Variants in RSPO1 observed in about 807,000 individuals in gnomAD.
RSPO1 encodes R-spondin-1.
RSPO1 carries 18 observed loss-of-function variants against 26.0 expected under a neutral mutation model. The ratio of observed to expected loss-of-function variants is 0.69; its 90% CI spans 0.48 to 1.03. RSPO1 has a LOEUF of 1.03. RSPO1 is among the 50% of genes least tolerant of loss of function. The pLI, the probability that RSPO1 is intolerant of heterozygous loss-of-function variation, is 0.00. For synonymous variants in RSPO1, 133 were observed against 137.4 expected (o/e 0.97, Z 0.22); for missense variants, 309 against 352.3 (o/e 0.88, Z 0.98).
At chr1:37,627,925 T>C (rs559662470) in intron 3 of RSPO1, among the ~76,000 whole-genome samples, 3 of 152,352 alleles carry the variant, frequency 2.0e-5, no homozygotes, top group East Asian at 3.9e-4. Flanking sequence ...CTGGCTCATG[T>C]GCTGCCACGG....
At chr1:37,612,986 C>CA in intron 6 of RSPO1, 65 bp from the exon 7 acceptor site, 3 of 1,577,322 alleles carry the variant, frequency 1.9e-6, no homozygotes, top group Non-Finnish European at 2.6e-6. Context: ...GGCATGGCCA[C>CA]AGGCCCTAGG....
At chr1:37,623,911 C>T (rs1644240160) in intron 3 of RSPO1, among the ~76,000 whole-genome samples, 1 of 151,796 alleles carries the variant, frequency 6.6e-6, no homozygotes, top group South Asian at 2.1e-4. Flanking sequence ...AGGCATGCAC[C>T]ACCACACCCA....
In RSPO1 at chr1:37,614,315, C is replaced by T; in HGVS notation, c.305G>A (p.Cys102Tyr). 6.2e-7 allele frequency: 1 copy of T among 1,613,818 alleles called. No individual in the cohort carries two copies. The highest frequency in any genetic ancestry group is 8.5e-7 in the Non-Finnish European group (1 of 1,180,052). ...GAAGTTATGGCTGAAGCAGGCCTCA[C>T]AGTGCTCGATCTTGCATTCTGAGGA... ...NKCIKCKIEHCEACFSHNFCT... is the reference protein window; with the variant it reads ...NKCIKCKIEHYEACFSHNFCT... Residue 102 changes from cysteine to tyrosine, a missense_variant, in exon 5 of 7, where the codon TGT (cysteine) becomes TAT (tyrosine). Physicochemically the swap from Cys to Tyr is radical, Grantham distance 194. Transcript: ENST00000356545.
chr1:37,633,360 G>A (rs961733052), intron 1 of RSPO1, among the ~76,000 whole-genome samples: 1 of 152,202 alleles, frequency 6.6e-6, no homozygotes, highest in South Asian at 2.1e-4. Context: ...AGGCAGAGCT[G>A]AGAAGGGAGA....
chr1:37,615,923 C>T (rs1169797056), intron 4 of RSPO1, among the ~76,000 whole-genome samples: 1 of 152,112 alleles, frequency 6.6e-6, no homozygotes, highest in African/African-American at 2.4e-5. Flanking sequence ...GGTTGTATGT[C>T]TCAGAAATGT....
chr1:37,613,886 C>T lies in RSPO1; in HGVS notation c.443G>A (p.Cys148Tyr). 2 of 1,614,086 alleles carry T rather than the reference C, an allele frequency of 1.2e-6. No individual in the cohort carries two copies. The highest frequency in any genetic ancestry group is 1.7e-6 in the Non-Finnish European group (2 of 1,180,016). The change falls in exon 6 of 7, where the codon TGT (cysteine) becomes TAT (tyrosine). Residue 148 changes from cysteine to tyrosine, a missense_variant. Transcript: ENST00000356545. This position sits in a 1 kb window ranked among gnomAD's most constrained non-coding sequence, Gnocchi z 4.5. ...CCACGGAGACCACTCGCTCATTTCA[C>T]ATTGCGCTGGCAGGAAGAGAAGGGA... The part of the protein sequence containing the change: ...GTMECSSPAQ[C>Y]EMSEWSPWGP...
At chr1:37,623,093 G>C (rs1644226932) in intron 3 of RSPO1, among the ~76,000 whole-genome samples, 1 of 152,010 alleles carries the variant, frequency 6.6e-6, no homozygotes, top group Admixed American at 6.6e-5. Context: ...AGGTAGCTGA[G>C]CTCCATGAGG....
chr1:37,622,574 A>C (rs565226879), intron 3 of RSPO1, among the ~76,000 whole-genome samples: 10 of 152,346 alleles, frequency 6.6e-5, no homozygotes, highest in Non-Finnish European at 1.5e-4. Flanking sequence ...GCCTCAGGCA[A>C]CACCTGCATT....
At chr1:37,620,754 C>A (rs140166680) in intron 3 of RSPO1, among the ~76,000 whole-genome samples, 1,721 of 151,900 alleles carry the variant, frequency 0.011, 37 homozygotes, top group African/African-American at 0.04. Context: ...ATGAGGGAGT[C>A]CTTTGGATTA....
At position 37,634,769 on chromosome 1, in the gene RSPO1, TGCC is replaced by T. The variant is rs1484022960; in HGVS notation, c.-562_-560del. 6.6e-6 allele frequency: 1 copy of T among 152,266 alleles called. No individual in the cohort carries two copies. Among genetic ancestry groups the T allele is most frequent in the Non-Finnish European group, 1.5e-5 (1 of 68,088 alleles). 9.4% of individuals were successfully genotyped at this position (152,266 alleles called of 1,614,324 possible). On this transcript the variant is annotated 5_prime_UTR_variant, in exon 1 of 7. Transcript: ENST00000356545. The surrounding 1 kb of genome is among the most constrained non-coding windows in gnomAD (Gnocchi z 4.7). Reference sequence around the variant, plus strand: ...TCGGTCCTCCGGGGCGGCTCGGAGCTGCCCTCGTTCTCCGCAGCACCCGAGCGG... The same window carrying T: ...TCGGTCCTCCGGGGCGGCTCGGAGCTCTCGTTCTCCGCAGCACCCGAGCGG...
chr1:37,614,745 G>A (rs1385435515), intron 4 of RSPO1, among the ~76,000 whole-genome samples: 1 of 152,224 alleles, frequency 6.6e-6, no homozygotes, highest in East Asian at 1.9e-4. Flanking sequence ...GTTGAACTGA[G>A]GGACAGAATG....
intron 2 of RSPO1, chr1:37,632,073 C>T (rs567096892): frequency 6.6e-6 from 1 of 152,330 alleles, no homozygotes; most frequent in South Asian, 2.1e-4. Context: ...ACTTTGGACT[C>T]ACTGCGTGAT....
At position 37,614,086 on chromosome 1, in the gene RSPO1, C is replaced by T; in HGVS notation, c.436+98G>A. On this transcript the variant is annotated intron_variant, in intron 5 of 6. Coordinates refer to ENST00000356545, the MANE Select transcript of RSPO1 (RefSeq NM_001242908.2). ...GGAGTGGTAGGGTAAGCTCTCCCTG[C>T]ACAGTGCCCCAGCCCACCCGCTCTC... 2.8e-6 allele frequency: 4 copies of T among 1,439,054 alleles called. No homozygotes were observed. In the South Asian group the frequency reaches 3.6e-5, roughly 13 times the overall value. The allele number at this position is 1,439,054 out of a possible 1,614,324, so 89.1% of individuals were successfully genotyped here.
intron 3 of RSPO1, among the ~76,000 whole-genome samples, chr1:37,618,998 G>T (rs1644159843): frequency 6.6e-6 from 1 of 152,136 alleles, no homozygotes; most frequent in South Asian, 2.1e-4. Flanking sequence ...GAGATGGGTG[G>T]ATCACCTGAG....
intron 4 of RSPO1, among the ~76,000 whole-genome samples, chr1:37,615,041 A>G (rs1369404760): frequency 8.5e-5 from 13 of 152,066 alleles, no homozygotes; most frequent in South Asian, 6.2e-4. Flanking sequence ...GTCTTTCACA[A>G]TCTCTCCTTC....
chr1:37,629,080 C>A (rs1644319231), intron 3 of RSPO1, among the ~76,000 whole-genome samples: 1 of 152,216 alleles, frequency 6.6e-6, no homozygotes, highest in Non-Finnish European at 1.5e-5. Flanking sequence ...CTCCCTACTC[C>A]ACTGTTCCTG....
chr1:37,634,622 C>A lies in RSPO1; in HGVS notation c.-412G>T, dbSNP rs1331295267. On this transcript the variant is annotated 5_prime_UTR_variant, in exon 1 of 7. Coordinates refer to ENST00000356545, the MANE Select transcript of RSPO1 (RefSeq NM_001242908.2). This position sits in a 1 kb window ranked among gnomAD's most constrained non-coding sequence, Gnocchi z 4.7. ...CCGGGAGGGGCGAGGGCGCGGCCCG[C>A]TCACCCGCCCGCTGCGGGACTGTCC... 1 of 152,232 alleles carries A rather than the reference C, an allele frequency of 6.6e-6. No individual in the cohort carries two copies. The highest frequency in any genetic ancestry group is 1.5e-5 in the Non-Finnish European group (1 of 68,156). 9.4% of individuals were successfully genotyped at this position (152,232 alleles called of 1,614,324 possible).
At chr1:37,618,401 C>A (rs1644149896) in intron 3 of RSPO1, among the ~76,000 whole-genome samples, 1 of 152,192 alleles carries the variant, frequency 6.6e-6, no homozygotes, top group Non-Finnish European at 1.5e-5. Flanking sequence ...GGCCACAGAA[C>A]ACTTGTTTCA....
chr1:37,622,951 A>T (rs1386837164), intron 3 of RSPO1, among the ~76,000 whole-genome samples: 1 of 151,984 alleles, frequency 6.6e-6, no homozygotes, highest in Non-Finnish European at 1.5e-5. Context: ...GGGATGGGGA[A>T]TGTGATTACA....
Sources: gnomAD v4.1 joint callset for allele counts (sites outside exome capture counted in the v4.1 genomes callset) on GRCh38, gnomAD v4.1.1 for gene constraint, Gnocchi (gnomAD v3.1) non-coding constraint, MANE v1.5 for transcripts, NCBI Gene and HGNC (gene_info 2026-07-23, HGNC 2026-07-21) for gene names.